PPP2R3B: variants seen among roughly 807,000 people sequenced by gnomAD.
The protein encoded by PPP2R3B is protein phosphatase 2 regulatory subunit B''beta.
A neutral mutation model predicts 72.9 loss-of-function variants in PPP2R3B; 68 were observed. The ratio of observed to expected loss-of-function variants is 0.93; its 90% CI spans 0.77 to 1.14. The LOEUF (loss-of-function observed/expected upper bound fraction) is 1.14. PPP2R3B is among the 50% of genes most tolerant of loss of function. The pLI, the probability that PPP2R3B is intolerant of heterozygous loss-of-function variation, is 0.00. For synonymous variants in PPP2R3B, 466 were observed against 375.8 expected (o/e 1.24, Z -2.78); for missense variants, 1,018 against 842.0 (o/e 1.21, Z -2.59).
chrX:334,666 G>A (rs2070841118), intron 12 of PPP2R3B, 149 bp from the exon 13 acceptor site: 13 of 946,624 alleles, frequency 1.4e-5, no homozygotes, highest in African/African-American at 1.8e-5. Context: ...AGCCAGCAAC[G>A]CGCTCCTGGC....
intron 7 of PPP2R3B, chrX:345,064 C>A: frequency 2.4e-6 from 1 of 410,862 alleles, no homozygotes; most frequent in Non-Finnish European, 4.8e-6. Context: ...CTGGGCGGCA[C>A]CGGCTCCCGC....
chrX:364,184 G>C (rs184531594), intron 1 of PPP2R3B, among the ~76,000 whole-genome samples: 1 of 152,222 alleles, frequency 6.6e-6, no homozygotes, highest in Non-Finnish European at 1.5e-5. Context: ...CCCAGAACGC[G>C]TCACCTTCAG....
chrX:373,423 C>G (rs769876797), intron 1 of PPP2R3B: 1 of 152,170 alleles, frequency 6.6e-6, no homozygotes, highest in Non-Finnish European at 1.5e-5. Flanking sequence ...ACAACGGGTG[C>G]ACGGCCAGCA....
intron 2 of PPP2R3B, among the ~76,000 whole-genome samples, chrX:357,247 G>A (rs1047268042): frequency 2.0e-5 from 3 of 152,120 alleles, no homozygotes; most frequent in African/African-American, 4.8e-5. Flanking sequence ...GGTGACAAAC[G>A]GCCGGTCCTG....
chrX:344,878 A>G (rs1353607921), intron 7 of PPP2R3B: 1 of 337,840 alleles, frequency 3.0e-6, no homozygotes, highest in Non-Finnish European at 5.8e-6. Flanking sequence ...ACCACACACA[A>G]CAGATGCCAC....
intron 2 of PPP2R3B, among the ~76,000 whole-genome samples, chrX:360,539 A>T (rs2071517905): frequency 6.6e-6 from 1 of 152,172 alleles, no homozygotes; most frequent in Non-Finnish European, 1.5e-5. Flanking sequence ...GTCTCAAACA[A>T]GCAAACCCAA....
intron 1 of PPP2R3B, among the ~76,000 whole-genome samples, chrX:383,837 C>CAAAAAAAAAAAAAA (rs757960788): frequency 6.6e-5 from 3 of 45,624 alleles, no homozygotes; most frequent in Non-Finnish European, 1.3e-4. Context: ...GACTCCGTCT[C>CAAAAAAAAAAAAAA]AAAAAAAAAA....
At chrX:380,614 C>A (rs993697794) in intron 1 of PPP2R3B, among the ~76,000 whole-genome samples, 1 of 151,786 alleles carries the variant, frequency 6.6e-6, no homozygotes, top group Non-Finnish European at 1.5e-5. Flanking sequence ...AGTGAAACCC[C>A]ATCTCTACTA....
At chrX:336,564 G>C (rs1228436430) in intron 12 of PPP2R3B, 3 of 152,318 alleles carry the variant, frequency 2.0e-5, no homozygotes, top group Non-Finnish European at 4.4e-5. Flanking sequence ...GAGAAAGGAA[G>C]TAACGTACAC....
chrX:363,510 G>A (rs866845923), intron 1 of PPP2R3B, among the ~76,000 whole-genome samples: 24,590 of 70,232 alleles, frequency 0.35, 2,427 homozygotes, highest in African/African-American at 0.43. Flanking sequence ...GCATCTCCCC[G>A]AGCCCGCGAT....
chrX:383,837 CAA>C (rs757960788), intron 1 of PPP2R3B, among the ~76,000 whole-genome samples: 35 of 45,612 alleles, frequency 7.7e-4, no homozygotes, highest in Admixed American at 7.3e-4. Flanking sequence ...GACTCCGTCT[CAA>C]AAAAAAAAAA....
At chrX:373,674 G>A (rs1344364729) in intron 1 of PPP2R3B, 2 of 192,434 alleles carry the variant, frequency 1.0e-5, no homozygotes, top group African/African-American at 2.4e-5. Flanking sequence ...GGCGCGCAGG[G>A]CTCTCCGCGG....
chrX:363,418 T>C (rs2071592981), intron 1 of PPP2R3B, among the ~76,000 whole-genome samples: 1 of 151,330 alleles, frequency 6.6e-6, no homozygotes, highest in South Asian at 2.1e-4. Context: ...ACAGTGCATC[T>C]CCCCGAGCCC....
chrX:364,579 G>GTGGTGGCGCA (rs1332004770), intron 1 of PPP2R3B, among the ~76,000 whole-genome samples: 2 of 149,586 alleles, frequency 1.3e-5, no homozygotes, highest in Non-Finnish European at 3.0e-5. Flanking sequence ...TTAGCCGGGT[G>GTGGTGGCGCA]TGGTGGAGGG....
At chrX:334,572 C>T (rs1378487970) in intron 12 of PPP2R3B, 55 bp from the exon 13 acceptor site, 13 of 1,399,578 alleles carry the variant, frequency 9.3e-6, no homozygotes, top group South Asian at 7.9e-5. Context: ...GGCCCTGGGC[C>T]GTTTTCCGGG....
intron 12 of PPP2R3B, 195 bp downstream of exon 12, chrX:338,409 G>A (rs1447864864): frequency 3.5e-5 from 22 of 634,216 alleles, no homozygotes; most frequent in Admixed American, 7.6e-5. Flanking sequence ...ACCGAGGCCC[G>A]GCCCTGTCAT....
At chrX:367,752 T>G (rs2071753592) in intron 1 of PPP2R3B, among the ~76,000 whole-genome samples, 1 of 152,162 alleles carries the variant, frequency 6.6e-6, no homozygotes, top group African/African-American at 2.4e-5. Flanking sequence ...GACAAAGGTC[T>G]GACTGCAGAA....
intron 2 of PPP2R3B, among the ~76,000 whole-genome samples, chrX:350,234 A>G (rs185355425): frequency 6.6e-6 from 1 of 152,320 alleles, no homozygotes; most frequent in East Asian, 1.9e-4. Flanking sequence ...ACTTCACACA[A>G]ACTGAATACC....
At chrX:364,588 G>C (rs867136395) in intron 1 of PPP2R3B, among the ~76,000 whole-genome samples, 36,417 of 95,482 alleles carry the variant, frequency 0.38, 7,163 homozygotes, top group Non-Finnish European at 0.4. Context: ...TGTGGTGGAG[G>C]GTGCCTGTAC....
Sources: allele counts gnomAD v4.1 joint callset (sites outside exome capture counted in the v4.1 genomes callset), GRCh38; gene constraint gnomAD v4.1.1; transcripts MANE v1.5; gene names NCBI Gene and HGNC (gene_info 2026-07-23, HGNC 2026-07-21).